The following GRID2 variants were observed in gnomAD, a reference collection of about 807,000 sequenced individuals.
The protein encoded by GRID2 is glutamate ionotropic receptor delta type subunit 2, also known as glutamate receptor ionotropic, delta-2.
A neutral mutation model predicts 114.8 loss-of-function variants in GRID2; 33 were observed. The ratio of observed to expected loss-of-function variants is 0.29; its 90% CI spans 0.22 to 0.38. GRID2 has a LOEUF of 0.38. GRID2 is among the 10% of genes least tolerant of loss of function. The probability of loss-of-function intolerance (pLI) is 1.00; values close to 1 mark genes in which losing one functional copy is unlikely to be tolerated. For missense variants in GRID2, 1,184 were observed against 1,257.7 expected, an observed-to-expected ratio of 0.94 and a Z score of 0.89; for synonymous variants, 505 against 449.9, an observed-to-expected ratio of 1.12 and a Z score of -1.55.
At chr4:93,417,109 T>C (rs1340905334) in intron 9 of GRID2, among the ~76,000 whole-genome samples, 1 of 152,136 alleles carries the variant, frequency 6.6e-6, no homozygotes, top group Non-Finnish European at 1.5e-5. Context: ...ATGACAGGAT[T>C]TTATCATTTA....
At chr4:92,507,163 G>A (rs1379916931) in intron 1 of GRID2, among the ~76,000 whole-genome samples, 2 of 151,786 alleles carry the variant, frequency 1.3e-5, no homozygotes, top group African/African-American at 4.8e-5. Context: ...ATTCTATTCT[G>A]TCAGAATATT....
intron 2 of GRID2, among the ~76,000 whole-genome samples, chr4:92,629,786 T>A (rs981568963): frequency 1.3e-5 from 2 of 149,330 alleles, no homozygotes; most frequent in African/African-American, 4.9e-5. Context: ...TTCTTTTTTT[T>A]TTTTCTTGTT....
At chr4:93,313,845 A>G (rs1436192061) in intron 8 of GRID2, among the ~76,000 whole-genome samples, 3 of 152,186 alleles carry the variant, frequency 2.0e-5, no homozygotes, top group Admixed American at 2.0e-4. Context: ...TAGAATTCCT[A>G]CAGTCAAATA....
chr4:92,660,250 T>A (rs780135183), intron 2 of GRID2, among the ~76,000 whole-genome samples: 1 of 151,266 alleles, frequency 6.6e-6, no homozygotes, highest in South Asian at 2.1e-4. Flanking sequence ...GACTCAGTAA[T>A]TACCCATTAT....
chr4:93,395,129 A>G (rs765246314), intron 8 of GRID2, among the ~76,000 whole-genome samples: 2 of 152,014 alleles, frequency 1.3e-5, no homozygotes, highest in Non-Finnish European at 2.9e-5. Context: ...AGACATACAC[A>G]TGATTTTTTT....
intron 13 of GRID2, among the ~76,000 whole-genome samples, chr4:93,598,671 T>C (rs1372239184): frequency 6.6e-6 from 1 of 152,232 alleles, no homozygotes; most frequent in East Asian, 1.9e-4. Context: ...GTTTTGTATT[T>C]ACAGATTTTG....
chr4:92,540,717 T>C (rs1430695317), intron 1 of GRID2, among the ~76,000 whole-genome samples: 1 of 152,168 alleles, frequency 6.6e-6, no homozygotes, highest in African/African-American at 2.4e-5. Context: ...AGTTCAACCA[T>C]TGTGGAAGTC....
intron 2 of GRID2, among the ~76,000 whole-genome samples, chr4:92,964,227 C>A (rs1025440032): frequency 1.3e-5 from 2 of 151,980 alleles, no homozygotes; most frequent in African/African-American, 4.8e-5. Context: ...TCAGTCTGTC[C>A]TTTGAAGCTT....
intron 10 of GRID2, among the ~76,000 whole-genome samples, chr4:93,453,316 A>G (rs867120191): frequency 1.4e-4 from 18 of 127,292 alleles, no homozygotes; most frequent in East Asian, 3.0e-4. Context: ...AGAGATGGGA[A>G]AGAGAGAGAG....
At chr4:92,331,358 C>A (rs555873615) in intron 1 of GRID2, among the ~76,000 whole-genome samples, 1 of 152,106 alleles carries the variant, frequency 6.6e-6, no homozygotes, top group Admixed American at 6.6e-5. Flanking sequence ...GCACTTAGCC[C>A]GATCTGTCTT....
rs1286316178 is a variant in GRID2 at position 93,234,341 on chromosome 4, A to T, written c.1126-4030A>T. Among the ~76,000 whole-genome samples the T allele has an allele frequency of 2.0e-5, 3 of 152,188 alleles. No individual in the cohort carries two copies. The East Asian group carries it at 5.8e-4, about 29-fold the overall frequency. ...TCTCTATATATAATATGTTATATTGAACACACAGTTTACATAGTCCAAAGG... is the reference window on the plus strand; with the variant it reads ...TCTCTATATATAATATGTTATATTGTACACACAGTTTACATAGTCCAAAGG... On this transcript the variant is annotated intron_variant, in intron 7 of 15. Coordinates refer to ENST00000282020, the MANE Select transcript of GRID2 (RefSeq NM_001510.4).
intron 10 of GRID2, among the ~76,000 whole-genome samples, chr4:93,432,510 C>T (rs955289174): frequency 3.3e-5 from 5 of 151,902 alleles, no homozygotes; most frequent in South Asian, 4.2e-4. Flanking sequence ...GACTGAAATA[C>T]GAAAGTTCTA....
chr4:93,227,598 T>G (rs1164524447), intron 7 of GRID2, among the ~76,000 whole-genome samples: 1 of 152,200 alleles, frequency 6.6e-6, no homozygotes, highest in Non-Finnish European at 1.5e-5. Flanking sequence ...CTTCTGTCTT[T>G]AATATAAAAT....
chr4:93,516,538 C>A (rs1729751286), intron 13 of GRID2, among the ~76,000 whole-genome samples: 1 of 152,080 alleles, frequency 6.6e-6, no homozygotes, highest in Non-Finnish European at 1.5e-5. Context: ...ATCCTCTTTG[C>A]CCTTATTATA....
chr4:92,675,487 C>T (rs1733298345), intron 2 of GRID2, among the ~76,000 whole-genome samples: 1 of 150,932 alleles, frequency 6.6e-6, no homozygotes, highest in Non-Finnish European at 1.5e-5. Flanking sequence ...ACTCCAAACT[C>T]CAATCACTAT....
At chr4:92,757,847 TAAA>T (rs35356936) in intron 2 of GRID2, among the ~76,000 whole-genome samples, 1 of 142,792 alleles carries the variant, frequency 7.0e-6, no homozygotes, top group Admixed American at 7.0e-5. Flanking sequence ...AAAACGATGT[TAAA>T]AAAAAAAAAG....
At chr4:92,805,233 A>G (rs771469975) in intron 2 of GRID2, among the ~76,000 whole-genome samples, 41 of 151,998 alleles carry the variant, frequency 2.7e-4, no homozygotes, top group Non-Finnish European at 4.6e-4. Context: ...GATTTTTTTG[A>G]TACTTTTCTC....
chr4:92,804,328 A>C (rs80299663), intron 2 of GRID2, among the ~76,000 whole-genome samples: 3,553 of 152,096 alleles, frequency 0.023, 99 homozygotes, highest in East Asian at 0.12. Context: ...TAATTCAGAG[A>C]TAACCATTAA....
chr4:93,576,095 A>T (rs1156553157), intron 13 of GRID2, among the ~76,000 whole-genome samples: 2 of 152,236 alleles, frequency 1.3e-5, no homozygotes, highest in East Asian at 1.9e-4. Flanking sequence ...TACCTGTAAC[A>T]TCCTATGATA....
Sources: allele counts gnomAD v4.1 joint callset (sites outside exome capture counted in the v4.1 genomes callset), GRCh38; gene constraint gnomAD v4.1.1; transcripts MANE v1.5; gene names NCBI Gene and HGNC (gene_info 2026-07-23, HGNC 2026-07-21).